The following SPINK6 variants were observed in gnomAD, a reference collection of about 807,000 sequenced individuals.
SPINK6 encodes serine protease inhibitor Kazal-type 6.
In SPINK6, 13 loss-of-function variants were observed where a neutral mutation model predicts 11.7. That is an observed-to-expected ratio of 1.11 (90% CI 0.72 to 1.76). The LOEUF is 1.76. Among genes scored for constraint, SPINK6 ranks in the 40% most tolerant of loss-of-function variants. The pLI is 0.00. For missense variants in SPINK6, 98 were observed against 93.7 expected (o/e 1.05, Z -0.19); for synonymous variants, 21 against 31.9 (o/e 0.66, Z 1.15).
At position 148,210,430 on chromosome 5, in the gene SPINK6, A is replaced by G. The variant is rs201939442; in HGVS notation, c.82-3480A>G. Among the ~76,000 whole-genome samples, 331 of 149,524 alleles carry G rather than the reference A, an allele frequency of 2.2e-3. 70 individuals are homozygous for G. In the East Asian group the frequency reaches 0.07, roughly 32 times the overall value. On this transcript the variant is annotated intron_variant, in intron 2 of 3. Coordinates refer to ENST00000325630, the MANE Select transcript of SPINK6 (RefSeq NM_205841.4). ...TACATATATATGTATGTGTTTCTGC[A>G]TACATATATATGTATGTGTTTCTGC... is the stretch of plus-strand genomic sequence containing the variant.
chr5:148,206,242 C>T (rs761393806), intron 2 of SPINK6, among the ~76,000 whole-genome samples, 184 bp downstream of exon 2: 110,906 of 151,650 alleles, frequency 0.73, 42,894 homozygotes, highest in Non-Finnish European at 0.85. Flanking sequence ...AACCTAACCA[C>T]ACATTCTCAT....
intron 2 of SPINK6, among the ~76,000 whole-genome samples, chr5:148,210,014 G>GTATGTATT (rs1554112283): frequency 8.0e-5 from 1 of 12,504 alleles, no homozygotes; most frequent in Non-Finnish European, 2.8e-4. Context: ...ATACATGTAT[G>GTATGTATT]TACGCATGTA....
In SPINK6 at chr5:148,209,995, C is replaced by CACGT. The variant is rs1554112251; in HGVS notation, c.82-3913_82-3910dup. On this transcript the variant is annotated intron_variant, in intron 2 of 3. Coordinates refer to ENST00000325630, the MANE Select transcript of SPINK6 (RefSeq NM_205841.4). ...ACGTACGTATGTATGTATACATATA[C>CACGT]ACGTATGTATACATGTATGTACGCA... is the stretch of plus-strand genomic sequence containing the variant. Among the ~76,000 whole-genome samples, 13 of 117,414 alleles carry CACGT rather than the reference C, an allele frequency of 1.1e-4. 2 individuals are homozygous for CACGT. The highest frequency in any genetic ancestry group is 3.1e-4 in the East Asian group (1 of 3,230). 77.0% of individuals were successfully genotyped at this position (117,414 alleles called of 152,430 possible).
At chr5:148,204,461 CA>C (rs146949801) in intron 1 of SPINK6, among the ~76,000 whole-genome samples, 1,635 of 149,174 alleles carry the variant, frequency 0.011, 39 homozygotes, top group African/African-American at 0.038. Context: ...TACAGTTTAC[CA>C]AAGCATGGAT....
rs775242461 is a variant in SPINK6, at chr5:148,203,168, T to G, written c.58+14T>G. ...GCTTTTTAACAGGTAAGTTTTTTCT[T>G]AAAATTAAGATCCCATATTTATACT... On this transcript the variant is annotated intron_variant, in intron 1 of 3. Coordinates refer to ENST00000325630, the MANE Select transcript of SPINK6 (RefSeq NM_205841.4). 6.3e-7 allele frequency: 1 copy of G among 1,599,850 alleles called. No homozygotes were observed. Among genetic ancestry groups the G allele is most frequent in the South Asian group, 1.1e-5 (1 of 89,612 alleles).
chr5:148,214,225 C>A (rs1361404767), intron 3 of SPINK6, among the ~76,000 whole-genome samples, 200 bp downstream of exon 3: 1 of 152,170 alleles, frequency 6.6e-6, no homozygotes, highest in African/African-American at 2.4e-5. Context: ...AAGACATAAT[C>A]TTAATCGCTT....
intron 2 of SPINK6, among the ~76,000 whole-genome samples, chr5:148,207,388 T>C (rs533197702): frequency 1.3e-5 from 2 of 152,278 alleles, no homozygotes; most frequent in South Asian, 4.1e-4. Context: ...TTGCATTTGG[T>C]CCACAGACAT....
rs1554112271 is a variant in SPINK6 at position 148,210,007 on chromosome 5, C to CATACGTACGTATGT, written c.82-3901_82-3900insACGTACGTATGTAT. 1.9e-5 allele frequency among the ~76,000 whole-genome samples: 2 copies of CATACGTACGTATGT among 105,736 alleles called. 1 individual carries two copies. The highest frequency in any genetic ancestry group is 3.7e-5 in the Non-Finnish European group (2 of 54,614). The allele number at this position is 105,736 out of a possible 152,430, so 69.4% of individuals were successfully genotyped here. ...ATGTATACATATACACGTATGTATA[C>CATACGTACGTATGT]ATGTATGTACGCATGTACGCATGCA... On this transcript the variant is annotated intron_variant, in intron 2 of 3. Transcript: ENST00000325630.
intron 2 of SPINK6, among the ~76,000 whole-genome samples, chr5:148,213,034 G>A (rs1376283802): frequency 6.7e-6 from 1 of 149,558 alleles, no homozygotes; most frequent in Non-Finnish European, 1.5e-5. Flanking sequence ...ATATATACTT[G>A]ATATACTTTA....
At chr5:148,212,640 TA>T (rs1561733800) in intron 2 of SPINK6, among the ~76,000 whole-genome samples, 1 of 106,394 alleles carries the variant, frequency 9.4e-6, no homozygotes, top group African/African-American at 3.8e-5. Flanking sequence ...ATATTATATA[TA>T]ATATAAATAT....
intron 3 of SPINK6, 43 bp downstream of exon 3, chr5:148,214,068 C>A: frequency 8.1e-7 from 1 of 1,228,274 alleles, no homozygotes. Flanking sequence ...CAAACACAAA[C>A]TTCCATAATA....
At chr5:148,210,969 A>C (rs1268473897) in intron 2 of SPINK6, among the ~76,000 whole-genome samples, 1 of 152,150 alleles carries the variant, frequency 6.6e-6, no homozygotes, top group East Asian at 1.9e-4. Flanking sequence ...GACAGAAGAG[A>C]TGCCATTATA....
chr5:148,203,302 G>T, intron 1 of SPINK6, 148 bp downstream of exon 1: 1 of 622,672 alleles, frequency 1.6e-6, no homozygotes, highest in Non-Finnish European at 2.8e-6. Flanking sequence ...TTGTGATGAC[G>T]ACAATGGTTA....
chr5:148,203,000 T>C (rs1187146514), upstream of SPINK6: 3 of 919,136 alleles, frequency 3.3e-6, no homozygotes, highest in African/African-American at 1.7e-5. Context: ...ATAGGACTCA[T>C]GTGGTCTGAA....
intron 3 of SPINK6, 22 bp from the exon 4 acceptor site, chr5:148,214,883 T>C (rs1755661271): frequency 6.2e-7 from 1 of 1,607,834 alleles, no homozygotes; most frequent in Non-Finnish European, 8.5e-7. Context: ...ACTGAGTATA[T>C]ATTTGTCTTT....
chr5:148,212,664 ATTT>A (rs1755625487), intron 2 of SPINK6, among the ~76,000 whole-genome samples: 1 of 110,746 alleles, frequency 9.0e-6, no homozygotes, highest in South Asian at 2.4e-4. Flanking sequence ...ATATTTATAT[ATTT>A]ATATAATATA....
intron 1 of SPINK6, among the ~76,000 whole-genome samples, chr5:148,204,647 G>A (rs1044674736): frequency 6.6e-6 from 1 of 151,900 alleles, no homozygotes; most frequent in African/African-American, 2.4e-5. Context: ...TCTCTGTGTG[G>A]AGAATTAAAT....
chr5:148,207,883 T>A (rs1381166210), intron 2 of SPINK6, among the ~76,000 whole-genome samples: 2 of 152,156 alleles, frequency 1.3e-5, no homozygotes, highest in Non-Finnish European at 2.9e-5. Context: ...TGCTTCATGA[T>A]TACCTGGATT....
intron 3 of SPINK6, 46 bp downstream of exon 3, chr5:148,214,071 C>A: frequency 1.7e-6 from 2 of 1,190,306 alleles, no homozygotes; most frequent in Non-Finnish European, 2.5e-6. Context: ...ACACAAACTT[C>A]CATAATAAGA....
Sources: gnomAD v4.1 joint callset for allele counts (sites outside exome capture counted in the v4.1 genomes callset) on GRCh38, gnomAD v4.1.1 for gene constraint, MANE v1.5 for transcripts, NCBI Gene and HGNC (gene_info 2026-07-23, HGNC 2026-07-21) for gene names.